The following UNC13C variants were observed in gnomAD, a reference collection of about 807,000 sequenced individuals.
The protein encoded by UNC13C is unc-13 homolog C.
In UNC13C, 174 loss-of-function variants were observed where a neutral mutation model predicts 245.4. The ratio of observed to expected loss-of-function variants is 0.71; its 90% CI spans 0.63 to 0.80. UNC13C has a LOEUF of 0.80. Ranked by LOEUF, UNC13C falls within the 30% of genes least tolerant of loss-of-function variation. UNC13C has a pLI of 0.00. For synonymous variants in UNC13C, 992 were observed against 895.1 expected (o/e 1.11, Z -1.93); for missense variants, 2,829 against 2,602.9 (o/e 1.09, Z -1.89).
chr15:54,163,955 G>T (rs1354390394), intron 4 of UNC13C, among the ~76,000 whole-genome samples: 1 of 152,162 alleles, frequency 6.6e-6, no homozygotes, highest in Admixed American at 6.5e-5. Flanking sequence ...GTAATATGCA[G>T]TATGAATAAT....
At chr15:53,860,281 A>T in the UNC13C span, among the ~76,000 whole-genome samples, 1 of 152,324 alleles carries the variant, frequency 6.6e-6, no homozygotes, top group South Asian at 2.1e-4. Context: ...ATTTTCAAGC[A>T]ATATTTTACA....
Position 54,627,749 on chromosome 15 carries a change from T to C in UNC13C, c.*636T>C, listed in dbSNP as rs998457409. ...GCTAGAGTTTGTTAACAATGTTTGA[T>C]ATATATTGACAAAACTTTGTTCTCT... On this transcript the variant is annotated 3_prime_UTR_variant, in exon 33 of 33. Coordinates refer to ENST00000260323, the MANE Select transcript of UNC13C (RefSeq NM_001080534.3). 1 of 152,626 alleles carries C rather than the reference T, an allele frequency of 6.6e-6. No individual in the cohort carries two copies. Among genetic ancestry groups the C allele is most frequent in the African/African-American group, 2.4e-5 (1 of 41,448 alleles). 9.5% of individuals were successfully genotyped at this position (152,626 alleles called of 1,614,324 possible). A position where few individuals can be genotyped will look rare whatever the true frequency, so the allele number is the denominator to read the frequency against.
intron 19 of UNC13C, among the ~76,000 whole-genome samples, chr15:54,476,122 G>A (rs1892725756): frequency 8.8e-6 from 1 of 114,060 alleles, no homozygotes; most frequent in Admixed American, 9.2e-5. Flanking sequence ...AGAAGTGTCT[G>A]TTCATGTCCT....
At position 54,014,641 on chromosome 15, in the gene UNC13C, T is replaced by C. The variant is rs1056661186; in HGVS notation, c.1738T>C (p.Ser580Pro). The change falls in exon 2 of 33, where the codon TCA (serine) becomes CCA (proline). Residue 580 changes from serine (S) to proline (P), a missense_variant. Coordinates refer to ENST00000260323, the MANE Select transcript of UNC13C (RefSeq NM_001080534.3). Reference protein sequence around the residue: ...FTRTNGSSLLSSSDRELWQRK... With the variant: ...FTRTNGSSLLPSSDRELWQRK... Reference sequence around the variant, plus strand: ...TAGAACTAATGGAAGCTCTCTCCTGTCATCTTCGGACCGGGAGCTATGGCA... The same window carrying C: ...TAGAACTAATGGAAGCTCTCTCCTGCCATCTTCGGACCGGGAGCTATGGCA... 19 of 1,613,756 alleles carry C rather than the reference T, an allele frequency of 1.2e-5. No individual in the cohort carries two copies. The highest frequency in any genetic ancestry group is 1.6e-5 in the Non-Finnish European group (19 of 1,179,802).
intron 17 of UNC13C, among the ~76,000 whole-genome samples, chr15:54,359,384 G>A (rs1189151052): frequency 6.6e-6 from 1 of 151,788 alleles, no homozygotes; most frequent in South Asian, 2.1e-4. Context: ...TGATGAATTT[G>A]AGAAAAGTTA....
intron 2 of UNC13C, among the ~76,000 whole-genome samples, chr15:54,080,095 T>C (rs1166059520): frequency 6.6e-6 from 1 of 151,738 alleles, no homozygotes; most frequent in African/African-American, 2.4e-5. Context: ...TTTTTGTTCT[T>C]AGTTCTGTTT....
chr15:54,167,522 AAAG>A (rs1304750908), intron 4 of UNC13C, among the ~76,000 whole-genome samples: 1 of 148,180 alleles, frequency 6.7e-6, no homozygotes, highest in Non-Finnish European at 1.5e-5. Flanking sequence ...AAAAAAAAGA[AAAG>A]AAAAATAAGA....
intron 17 of UNC13C, among the ~76,000 whole-genome samples, chr15:54,386,665 G>C (rs779391885): frequency 1.3e-5 from 2 of 152,126 alleles, no homozygotes; most frequent in Admixed American, 6.5e-5. Flanking sequence ...AGAGATTGTG[G>C]GCCAGAGTTC....
intron 4 of UNC13C, among the ~76,000 whole-genome samples, chr15:54,195,201 C>T (rs2034312777): frequency 6.6e-6 from 1 of 151,942 alleles, no homozygotes; most frequent in African/African-American, 2.4e-5. Context: ...TCCAGCTGTA[C>T]CATAAACAAC....
intron 2 of UNC13C, among the ~76,000 whole-genome samples, chr15:54,047,253 TA>T (rs1293951042): frequency 5.9e-5 from 9 of 152,044 alleles, no homozygotes; most frequent in Non-Finnish European, 1.3e-4. Context: ...AAAATTATGA[TA>T]AAATATACAT....
chr15:53,893,901 G>A, the UNC13C span, among the ~76,000 whole-genome samples: 1 of 152,090 alleles, frequency 6.6e-6, no homozygotes, highest in Non-Finnish European at 1.5e-5. Flanking sequence ...ACTGGGGTTT[G>A]GAAAAAAAAC....
At chr15:54,000,250 A>G (rs1894824061) in intron 1 of UNC13C, among the ~76,000 whole-genome samples, 3 of 152,102 alleles carry the variant, frequency 2.0e-5, no homozygotes, top group Admixed American at 2.0e-4. Flanking sequence ...AAAAGAGTCA[A>G]TTTCCACAAG....
the UNC13C span, among the ~76,000 whole-genome samples, chr15:53,946,280 A>T: frequency 6.6e-6 from 1 of 151,908 alleles, no homozygotes; most frequent in Admixed American, 6.6e-5. Flanking sequence ...GTTGAATAGG[A>T]GTGGTGAGTG....
intron 4 of UNC13C, among the ~76,000 whole-genome samples, chr15:54,154,955 T>G (rs2032679631): frequency 6.6e-6 from 1 of 152,198 alleles, no homozygotes. Context: ...CTAGAGACTT[T>G]TAAATAAATT....
At chr15:54,126,293 C>A (rs74860232) in intron 2 of UNC13C, among the ~76,000 whole-genome samples, 5 of 151,826 alleles carry the variant, frequency 3.3e-5, no homozygotes, top group African/African-American at 7.3e-5. Context: ...AAAAGATAGG[C>A]CATACAAACA....
At chr15:53,854,532 C>G in the UNC13C span, among the ~76,000 whole-genome samples, 18 of 152,184 alleles carry the variant, frequency 1.2e-4, no homozygotes, top group African/African-American at 4.3e-4. Context: ...GTTCTCCCAA[C>G]ACCATATATT....
rs529983654 is a variant in UNC13C, at chr15:54,074,829, A to C, written c.2983+58943A>C. Among the ~76,000 whole-genome samples, 357 of 151,912 alleles carry C rather than the reference A, an allele frequency of 2.4e-3. 1 individual carries two copies. Among genetic ancestry groups the C allele is most frequent in the Middle Eastern group, 6.8e-3 (2 of 294 alleles). On this transcript the variant is annotated intron_variant, in intron 2 of 32. Transcript: ENST00000260323. The stretch of plus-strand genomic sequence containing the variant: ...AATCATGTCATCTGCAAACAGAGAC[A>C]ATTTGACTTCCTCTCTTCCTATTTG...
At chr15:53,875,881 AGTT>A in the UNC13C span, among the ~76,000 whole-genome samples, 1 of 152,092 alleles carries the variant, frequency 6.6e-6, no homozygotes, top group Non-Finnish European at 1.5e-5. Flanking sequence ...CTGCAAGAAG[AGTT>A]GTTTGACTGA....
intron 26 of UNC13C, among the ~76,000 whole-genome samples, chr15:54,536,029 A>G (rs1161817784): frequency 6.6e-6 from 1 of 152,050 alleles, no homozygotes; most frequent in Non-Finnish European, 1.5e-5. Flanking sequence ...CATACAAAAG[A>G]TCAGTGAAAC....
Sources: allele counts gnomAD v4.1 joint callset (sites outside exome capture counted in the v4.1 genomes callset), GRCh38; gene constraint gnomAD v4.1.1; transcripts MANE v1.5; gene names NCBI Gene and HGNC (gene_info 2026-07-23, HGNC 2026-07-21).